Variants in DOK2 observed in about 807,000 individuals in gnomAD.
DOK2 encodes docking protein 2, also known as docking protein 2, 56kD.
Under a neutral mutation model 26.0 loss-of-function variants are expected in DOK2, and 28 were observed. The ratio of observed to expected loss-of-function variants is 1.08; its 90% CI spans 0.80 to 1.48. DOK2 has a LOEUF of 1.48. Among genes scored for constraint, DOK2 ranks in the 40% most tolerant of loss-of-function variants. The pLI is 0.00. For synonymous variants in DOK2, 282 were observed against 236.9 expected, an observed-to-expected ratio of 1.19 and a Z score of -1.75; for missense variants, 682 against 558.2, an observed-to-expected ratio of 1.22 and a Z score of -2.23.
rs775844922 is a variant in DOK2 at position 21,912,317 on chromosome 8, A to G, written c.257T>C (p.Leu86Pro). Residue 86 changes from leucine (L) to proline (P), a missense_variant, in exon 2 of 5, where the codon CTG (leucine) becomes CCG (proline). Physicochemically the swap from Leu to Pro is moderately conservative, Grantham distance 98. Coordinates refer to ENST00000276420, the MANE Select transcript of DOK2 (RefSeq NM_003974.4). Reference sequence around the variant, plus strand: ...GAGGTACAGGCGCTCCTTGGTCTCCAGGAAGAAGGCACTGGTGTCCCGGGG... The same window carrying G: ...GAGGTACAGGCGCTCCTTGGTCTCCGGGAAGAAGGCACTGGTGTCCCGGGG... ...SSPRDTSAFF[L>P]ETKERLYLLA... 1.4e-5 allele frequency: 22 copies of G among 1,606,102 alleles called. No homozygotes were observed. The Admixed American group carries it at 3.7e-4, about 27-fold the overall frequency.
In DOK2 at chr8:21,910,784, G is replaced by A; in HGVS notation, c.507C>T (p.Ser169=). The A allele has an allele frequency of 6.2e-7, 1 of 1,613,876 alleles. No homozygotes were observed. Among genetic ancestry groups the A allele is most frequent in the East Asian group, 2.2e-5 (1 of 44,882 alleles). The change falls in exon 4 of 5, where the codon TCC becomes TCT. Residue 169 remains serine, a synonymous_variant. Coordinates refer to ENST00000276420, the MANE Select transcript of DOK2 (RefSeq NM_003974.4). ...EASERCHLRG[S]YTLRAGESAL... ...CACTCTCCCCAGCCCGGAGGGTATA[G>A]GACCCCCGCAGGTGGCACCTCTCAC...
In DOK2 at chr8:21,909,912, G is replaced by C; in HGVS notation, c.638C>G (p.Ala213Gly). ...GRDKVTFSFE[A>G]GRRCVSGEGN... is the part of the protein sequence containing the mutation. ...CTCTCCAGAGACGCAGCGACGGCCT[G>C]CCTCAAAGGAAAAGGTTACCTGGAC... Residue 213 changes from alanine (A) to glycine (G), a missense_variant, in exon 5 of 5, where the codon GCA becomes GGA. Ala to Gly is a moderately conservative substitution (Grantham distance 60, BLOSUM62 0). Transcript: ENST00000276420. The C allele has an allele frequency of 6.2e-7, 1 of 1,610,644 alleles. No homozygotes were observed. Among genetic ancestry groups the C allele is most frequent in the Non-Finnish European group, 8.5e-7 (1 of 1,179,272 alleles).
At chr8:21,911,435 C>T (rs187724742) in intron 3 of DOK2, among the ~76,000 whole-genome samples, 9 of 152,196 alleles carry the variant, frequency 5.9e-5, no homozygotes, top group African/African-American at 1.9e-4. Context: ...GGTGAAACCC[C>T]GACTCTACTA....
chr8:21,910,068 G>A (rs1332933466), intron 4 of DOK2, 137 bp from the exon 5 acceptor site: 21 of 1,018,838 alleles, frequency 2.1e-5, no homozygotes, highest in South Asian at 8.6e-5. Flanking sequence ...TGCAACCTCC[G>A]CCTCCCAGGT....
rs1214667744 is a variant in DOK2 at position 21,909,472 on chromosome 8, G to A, written c.1078C>T (p.Pro360Ser). 2.5e-6 allele frequency: 4 copies of A among 1,613,666 alleles called. No homozygotes were observed. The highest frequency in any genetic ancestry group is 3.4e-6 in the Non-Finnish European group (4 of 1,179,696). ...CATGCCTCACCCCGGGGCTCCTGCGGGCTGTCATAGAGGGACAGGGCAGCC... is the reference window on the plus strand; with the variant it reads ...CATGCCTCACCCCGGGGCTCCTGCGAGCTGTCATAGAGGGACAGGGCAGCC... ...GVAALSLYDS[P>S]QEPRGEAWRR... The change falls in exon 5 of 5, where the codon CCG (proline) becomes TCG (serine). Residue 360 changes from proline (P) to serine (S), a missense_variant. Pro to Ser is a moderately conservative substitution (Grantham distance 74). Coordinates refer to ENST00000276420, the MANE Select transcript of DOK2 (RefSeq NM_003974.4).
chr8:21,910,281 G>C (rs1360046871), intron 4 of DOK2, among the ~76,000 whole-genome samples: 1 of 151,988 alleles, frequency 6.6e-6, no homozygotes, highest in African/African-American at 2.4e-5. Context: ...CGCCCAGCTA[G>C]GGATGCTTTC....
rs1459357213 is a variant in DOK2, at chr8:21,909,398, G to C, written c.1152C>G (p.Val384=). ...ADRDPAGLQH[V]QPAGQDFSAS... is the part of the protein sequence containing the mutation. ...CAGAGAAATCCTGCCCGGCTGGCTGGACATGCTGGAGGCCAGCAGGGTCCC... is the reference window on the plus strand; with the variant it reads ...CAGAGAAATCCTGCCCGGCTGGCTGCACATGCTGGAGGCCAGCAGGGTCCC... The change falls in exon 5 of 5, where the codon GTC becomes GTG. Residue 384 remains valine (V), a synonymous_variant. Coordinates refer to ENST00000276420, the MANE Select transcript of DOK2 (RefSeq NM_003974.4). 2 of 1,604,942 alleles carry C rather than the reference G, an allele frequency of 1.2e-6. No homozygotes were observed. The highest frequency in any genetic ancestry group is 1.7e-6 in the Non-Finnish European group (2 of 1,174,838).
rs748321214 is a variant in DOK2 at position 21,912,283 on chromosome 8, G to C, written c.291C>G (p.Ala97=). The C allele has an allele frequency of 1.3e-6, 2 of 1,590,016 alleles. No homozygotes were observed. Among genetic ancestry groups the C allele is most frequent in the Non-Finnish European group, 1.7e-6 (2 of 1,170,856 alleles). The change falls in exon 2 of 5, where the codon GCC becomes GCG. Residue 97 remains alanine (A), a synonymous_variant. Transcript: ENST00000276420. ...ETKERLYLLA[A]PAAERGDWVQ... is the part of the protein sequence containing the mutation. ...CCCAGTCGCCGCGCTCCGCTGCAGG[G>C]GCCGCCAGGAGGTACAGGCGCTCCT...
rs770123577 is a variant in DOK2, at chr8:21,912,229, G to A, written c.345C>T (p.Pro115=). ...CCTTTCCGCACCCCGCGCGACTCAC[G>A]GGGAAGGCCAGGAGGCAGATGGCCT... is the stretch of plus-strand genomic sequence containing the variant. The part of the protein sequence containing the change: ...WVQAICLLAF[P]GQRKELSGPE... Residue 115 remains proline, a splice_region_variant and synonymous_variant, in exon 2 of 5, where the codon CCC becomes CCT. Coordinates refer to ENST00000276420, the MANE Select transcript of DOK2 (RefSeq NM_003974.4). 6.4e-6 allele frequency: 10 copies of A among 1,557,924 alleles called. No individual in the cohort carries two copies. The highest frequency in any genetic ancestry group is 1.9e-5 in the Admixed American group (1 of 53,610).
chr8:21,912,465 C>T lies in DOK2; in HGVS notation c.109G>A (p.Ala37Thr), dbSNP rs531906443. 1.6e-5 allele frequency: 25 copies of T among 1,562,800 alleles called. No homozygotes were observed. The East Asian group carries it at 5.5e-4, about 34-fold the overall frequency. The change falls in exon 2 of 5, where the codon GCC (alanine) becomes ACC (threonine). Residue 37 changes from alanine to threonine, a missense_variant. Transcript: ENST00000276420. The stretch of plus-strand genomic sequence containing the variant: ...TCCTGCAGCTCCAGCCGGGCCAAGG[C>T]GCAGTCCGACCCTCCATACAGTGAG... The part of the protein sequence containing the change: ...GASLYGGSDC[A>T]LARLELQEGP...
rs920413292 is a variant in DOK2, at chr8:21,910,018, T to C, written c.619-87A>G. On this transcript the variant is annotated intron_variant, in intron 4 of 4. Transcript: ENST00000276420. The stretch of plus-strand genomic sequence containing the variant: ...TTTTTTTGGAGACAGAGTCTCACTG[T>C]GTCTCCAGGCTGGAGTGCAGTGGCA... The C allele has an allele frequency of 1.1e-5, 16 of 1,425,888 alleles. No homozygotes were observed. The Admixed American group carries it at 3.6e-4, about 32-fold the overall frequency. The allele number at this position is 1,425,888 out of a possible 1,614,324, so 88.3% of individuals were successfully genotyped here. A position where few individuals can be genotyped will look rare whatever the true frequency, so the allele number is the denominator to read the frequency against.
Position 21,911,973 on chromosome 8 carries a change from G to T in DOK2, c.361C>A (p.Leu121Ile). The T allele has an allele frequency of 1.3e-6, 2 of 1,554,088 alleles. No individual in the cohort carries two copies. Residue 121 changes from leucine (L) to isoleucine (I), a missense_variant, in exon 3 of 5, where the codon CTC (leucine) becomes ATC (isoleucine). By Grantham distance (5) the Leu-to-Ile change is conservative. Coordinates refer to ENST00000276420, the MANE Select transcript of DOK2 (RefSeq NM_003974.4). ...CTCTGCTTTCCCTCTGGCCCCGAGAGCTCCTTCCTCTGCCCCTAGGGAGGA... is the reference window on the plus strand; with the variant it reads ...CTCTGCTTTCCCTCTGGCCCCGAGATCTCCTTCCTCTGCCCCTAGGGAGGA... ...LLAFPGQRKE[L>I]SGPEGKQSRP...
At chr8:21,911,873 G>T (rs764334225) in intron 3 of DOK2, 28 bp downstream of exon 3, 2 of 1,547,726 alleles carry the variant, frequency 1.3e-6, no homozygotes, top group Admixed American at 3.9e-5. Context: ...GCCCCCAGGG[G>T]AGAGCAGGGC....
chr8:21,913,428 G>T, intron 1 of DOK2, 111 bp downstream of exon 1: 1 of 1,285,356 alleles, frequency 7.8e-7, no homozygotes, highest in Non-Finnish European at 1.1e-6. Flanking sequence ...TAACTTGGTG[G>T]GTGCACAGTC....
chr8:21,910,583 G>A, intron 4 of DOK2, 90 bp downstream of exon 4: 4 of 1,504,764 alleles, frequency 2.7e-6, no homozygotes, highest in Non-Finnish European at 3.6e-6. Context: ...TCCCTCTCCT[G>A]GTCTCTCCCA....
At position 21,913,578 on chromosome 8, in the gene DOK2, T is replaced by C. The variant is rs756725845; in HGVS notation, c.24A>G (p.Gln8=). 1 of 1,613,962 alleles carries C rather than the reference T, an allele frequency of 6.2e-7. No individual in the cohort carries two copies. The highest frequency in any genetic ancestry group is 8.5e-7 in the Non-Finnish European group (1 of 1,179,988). Residue 8 remains glutamine (Q), a synonymous_variant, in exon 1 of 5, where the codon CAA becomes CAG. Coordinates refer to ENST00000276420, the MANE Select transcript of DOK2 (RefSeq NM_003974.4). MGDGAVK[Q]GFLYLQQQQT... is the part of the protein sequence containing the mutation. The stretch of plus-strand genomic sequence containing the variant: ...GCTGCTGCTGAAGATACAAGAAGCC[T>C]TGTTTCACTGCCCCGTCTCCCATCC...
At position 21,909,770 on chromosome 8, in the gene DOK2, G is replaced by C. The variant is rs759952441; in HGVS notation, c.780C>G (p.Ile260Met). 6.2e-7 allele frequency: 1 copy of C among 1,613,972 alleles called. No individual in the cohort carries two copies. The highest frequency in any genetic ancestry group is 2.2e-5 in the East Asian group (1 of 44,876). ...TATCAGGCCGGGGCAGCGACGCGGGGATTGTGGCTGGCTGCGGTTGGGGTG... is the reference window on the plus strand; with the variant it reads ...TATCAGGCCGGGGCAGCGACGCGGGCATTGTGGCTGGCTGCGGTTGGGGTG... ...PATPQPQPAT[I>M]PASLPRPDSP... The change falls in exon 5 of 5, where the codon ATC becomes ATG. Residue 260 changes from isoleucine to methionine, a missense_variant. By Grantham distance (10) the Ile-to-Met change is conservative. Coordinates refer to ENST00000276420, the MANE Select transcript of DOK2 (RefSeq NM_003974.4).
intron 3 of DOK2, among the ~76,000 whole-genome samples, chr8:21,911,647 G>A (rs1326093135): frequency 6.6e-6 from 1 of 152,028 alleles, no homozygotes; most frequent in Non-Finnish European, 1.5e-5. Flanking sequence ...TGGGCCCCCA[G>A]CCTTCCCCTC....
chr8:21,912,283 G>A lies in DOK2; in HGVS notation c.291C>T (p.Ala97=), dbSNP rs748321214. 7 of 1,590,016 alleles carry A rather than the reference G, an allele frequency of 4.4e-6. No homozygotes were observed. The highest frequency in any genetic ancestry group is 6.0e-6 in the Non-Finnish European group (7 of 1,170,856). ...ETKERLYLLA[A]PAAERGDWVQ... is the part of the protein sequence containing the mutation. ...CCCAGTCGCCGCGCTCCGCTGCAGG[G>A]GCCGCCAGGAGGTACAGGCGCTCCT... is the stretch of plus-strand genomic sequence containing the variant. The change falls in exon 2 of 5, where the codon GCC becomes GCT. Residue 97 remains alanine, a synonymous_variant. Transcript: ENST00000276420.
Sources: allele counts gnomAD v4.1 joint callset (sites outside exome capture counted in the v4.1 genomes callset), GRCh38; gene constraint gnomAD v4.1.1; transcripts MANE v1.5; gene names NCBI Gene and HGNC (gene_info 2026-07-23, HGNC 2026-07-21).